The following IRAK2 variants were observed in gnomAD, a reference collection of about 807,000 sequenced individuals.
The protein encoded by IRAK2 is interleukin-1 receptor-associated kinase-like 2.
Under a neutral mutation model 72.0 loss-of-function variants are expected in IRAK2, and 57 were observed. The ratio of observed to expected loss-of-function variants is 0.79; its 90% CI spans 0.64 to 0.99. The LOEUF (loss-of-function observed/expected upper bound fraction) is 0.99, where lower values mean the gene tolerates loss of function less well. IRAK2 is among the 50% of genes least tolerant of loss of function. IRAK2 has a pLI of 0.00. For missense variants in IRAK2, 790 were observed against 794.4 expected (o/e 0.99, Z 0.07); for synonymous variants, 293 against 312.7 (o/e 0.94, Z 0.67).
Position 10,234,437 on chromosome 3 carries a change from G to A in IRAK2, c.1273-22G>A, listed in dbSNP as rs186062779. The A allele has an allele frequency of 4.9e-5, 79 of 1,607,392 alleles. No homozygotes were observed. In the African/African-American group the frequency reaches 1.0e-3, roughly 21 times the overall value. ...GCAGCTCTGCAGCTCACGCAAGGGC[G>A]TTTCTACCCTTCTTCCCACAGAAGG... On this transcript the variant is annotated intron_variant, in intron 10 of 12. Transcript: ENST00000256458.
chr3:10,211,272 T>C (rs1197170877), intron 4 of IRAK2, among the ~76,000 whole-genome samples: 1 of 152,034 alleles, frequency 6.6e-6, no homozygotes, highest in African/African-American at 2.4e-5. Flanking sequence ...CTCCTGAGTA[T>C]CCGGGATTAT....
intron 2 of IRAK2, among the ~76,000 whole-genome samples, chr3:10,181,643 G>A (rs2125144105): frequency 6.6e-6 from 1 of 152,190 alleles, no homozygotes; most frequent in East Asian, 1.9e-4. Flanking sequence ...AGGCCATGAA[G>A]GGAGGACTGT....
At chr3:10,200,750 A>G (rs1027541177) in intron 3 of IRAK2, among the ~76,000 whole-genome samples, 3 of 152,222 alleles carry the variant, frequency 2.0e-5, no homozygotes, top group African/African-American at 7.2e-5. Context: ...TTTTAAAAAA[A>G]TCATCCAGGC....
In IRAK2 at chr3:10,209,007, C is replaced by T. The variant is rs1391537571; in HGVS notation, c.425-582C>T. The stretch of plus-strand genomic sequence containing the variant: ...CCTCTGCATGGGCTGGTTCCACTGC[C>T]CCATATCTGCTTGTTGAAAACGTTT... On this transcript the variant is annotated intron_variant, in intron 3 of 12. Transcript: ENST00000256458. Among the ~76,000 whole-genome samples, 4 of 152,062 alleles carry T rather than the reference C, an allele frequency of 2.6e-5. No homozygotes were observed. In the East Asian group the frequency reaches 7.7e-4, roughly 29 times the overall value.
At chr3:10,200,320 T>A (rs766661342) in intron 2 of IRAK2, 49 bp from the exon 3 acceptor site, 1 of 1,505,130 alleles carries the variant, frequency 6.6e-7, no homozygotes, top group South Asian at 1.3e-5. Context: ...TCTCAATGGC[T>A]ACCCCACTTC....
At chr3:10,168,858 T>C (rs540580652) in intron 1 of IRAK2, among the ~76,000 whole-genome samples, 2 of 152,262 alleles carry the variant, frequency 1.3e-5, no homozygotes, top group Non-Finnish European at 2.9e-5. Flanking sequence ...GGGACGTTCT[T>C]CCCCCTGTGT....
At chr3:10,217,719 A>G (rs1697626422) in intron 7 of IRAK2, among the ~76,000 whole-genome samples, 2 of 152,178 alleles carry the variant, frequency 1.3e-5, no homozygotes. Context: ...GTGTTTTAAA[A>G]CAGGTCTTCT....
At chr3:10,176,279 C>T (rs1173382994) in intron 1 of IRAK2, among the ~76,000 whole-genome samples, 1 of 151,942 alleles carries the variant, frequency 6.6e-6, no homozygotes, top group Non-Finnish European at 1.5e-5. Context: ...TGTTTTCATT[C>T]AGTCATTCAC....
intron 4 of IRAK2, among the ~76,000 whole-genome samples, chr3:10,211,482 G>A (rs1337821962): frequency 6.6e-6 from 1 of 150,892 alleles, no homozygotes; most frequent in Non-Finnish European, 1.5e-5. Flanking sequence ...GCCAGGCGTG[G>A]TGGCACACAC....
intron 10 of IRAK2, among the ~76,000 whole-genome samples, chr3:10,229,876 G>C (rs572253430): frequency 6.6e-6 from 1 of 152,094 alleles, no homozygotes; most frequent in Non-Finnish European, 1.5e-5. Flanking sequence ...TGAGGTGGGT[G>C]GATCACTTGA....
intron 1 of IRAK2, 25 bp downstream of exon 1, chr3:10,165,073 G>GGGACC: frequency 6.3e-7 from 1 of 1,589,170 alleles, no homozygotes; most frequent in Non-Finnish European, 8.6e-7. Context: ...GGGAGGGGAG[G>GGGACC]GGACCAGGGC....
intron 1 of IRAK2, among the ~76,000 whole-genome samples, chr3:10,166,387 G>A (rs1490592505): frequency 1.3e-5 from 2 of 152,190 alleles, no homozygotes; most frequent in East Asian, 1.9e-4. Context: ...GATGACTGGC[G>A]GAGAGGGCCA....
chr3:10,225,775 T>C (rs995276338), intron 9 of IRAK2, among the ~76,000 whole-genome samples: 3 of 151,600 alleles, frequency 2.0e-5, no homozygotes, highest in Non-Finnish European at 4.4e-5. Flanking sequence ...CTCAGTTCAC[T>C]GCAAGATCCA....
chr3:10,214,342 C>G (rs954411649), intron 6 of IRAK2, among the ~76,000 whole-genome samples: 8 of 151,022 alleles, frequency 5.3e-5, no homozygotes, highest in African/African-American at 1.9e-4. Flanking sequence ...CCTCCCACCT[C>G]AGCCTCTGAG....
chr3:10,197,375 ACT>A (rs1281892944), intron 2 of IRAK2, among the ~76,000 whole-genome samples: 1 of 149,000 alleles, frequency 6.7e-6, no homozygotes, highest in East Asian at 2.0e-4. Flanking sequence ...ACAGAGTAAG[ACT>A]CTGTCTCAAA....
At chr3:10,221,402 T>C (rs926205718) in intron 8 of IRAK2, among the ~76,000 whole-genome samples, 41 of 150,694 alleles carry the variant, frequency 2.7e-4, no homozygotes, top group Admixed American at 6.6e-4. Flanking sequence ...TACAGGCGCC[T>C]GCCACCATGC....
At chr3:10,219,575 C>A in intron 7 of IRAK2, 105 bp from the exon 8 acceptor site, 1 of 760,190 alleles carries the variant, frequency 1.3e-6, no homozygotes, top group Non-Finnish European at 2.3e-6. Flanking sequence ...GCCTGGGCCT[C>A]CCAGTGTGCT....
intron 2 of IRAK2, among the ~76,000 whole-genome samples, chr3:10,194,882 G>T (rs1438356395): frequency 6.6e-6 from 1 of 152,150 alleles, no homozygotes; most frequent in Non-Finnish European, 1.5e-5. Flanking sequence ...GCTGACATGG[G>T]GCTCTGTTGG....
intron 2 of IRAK2, among the ~76,000 whole-genome samples, chr3:10,197,699 A>C (rs1206685180): frequency 6.7e-6 from 1 of 149,176 alleles, no homozygotes; most frequent in African/African-American, 2.5e-5. Flanking sequence ...AAAAATACAA[A>C]AAATTAGCCG....
Sources: gnomAD v4.1 joint callset for allele counts (sites outside exome capture counted in the v4.1 genomes callset) on GRCh38, gnomAD v4.1.1 for gene constraint, MANE v1.5 for transcripts, NCBI Gene and HGNC (gene_info 2026-07-23, HGNC 2026-07-21) for gene names.